NCALD: variants seen among roughly 807,000 people sequenced by gnomAD.
NCALD encodes the protein neurocalcin-delta.
NCALD carries 10 observed loss-of-function variants against 18.6 expected under a neutral mutation model. That is an observed-to-expected ratio of 0.54 (90% CI 0.33 to 0.91). The LOEUF (loss-of-function observed/expected upper bound fraction) is 0.91. NCALD is among the 40% of genes least tolerant of loss of function. The pLI is 0.03. For synonymous variants in NCALD, 88 were observed against 87.4 expected (o/e 1.01, Z -0.04); for missense variants, 184 against 247.6 (o/e 0.74, Z 1.72).
At position 101,924,158 on chromosome 8, in the gene NCALD, ACT is replaced by A. The variant is rs528003817; in HGVS notation, c.-156-8302_-156-8301del. Among the ~76,000 whole-genome samples the A allele has an allele frequency of 1.1e-4, 17 of 152,246 alleles. No individual in the cohort carries two copies. The East Asian group carries it at 2.9e-3, about 26-fold the overall frequency. On this transcript the variant is annotated intron_variant, in intron 2 of 6. Transcript: ENST00000311028. The stretch of plus-strand genomic sequence containing the variant: ...ATTCTTGCATCCTTGGAGATATGAA[ACT>A]CTGAGAACATTTAGATAAAAATGGC...
intron 2 of NCALD, among the ~76,000 whole-genome samples, chr8:101,957,288 G>GT (rs1563932101): frequency 1.1e-4 from 14 of 128,186 alleles, no homozygotes; most frequent in African/African-American, 4.4e-4. Context: ...GAAAAGTTGG[G>GT]GTTTTTTTTT....
intron 3 of NCALD, among the ~76,000 whole-genome samples, chr8:101,908,739 A>G (rs772183502): frequency 1.3e-5 from 2 of 152,198 alleles, no homozygotes; most frequent in Non-Finnish European, 2.9e-5. Context: ...TGGAGGAGAG[A>G]GACTTAGAAA....
chr8:101,715,863 G>A lies in NCALD; in HGVS notation c.378+3389C>T, dbSNP rs757819988. ...GGAAAAATAGGAATCCTTTTACACT[G>A]TTGGTGGGAACATAAATTAGTTTAA... On this transcript the variant is annotated intron_variant, in intron 2 of 3. Coordinates refer to ENST00000220931, the MANE Select transcript of NCALD (RefSeq NM_032041.3). Among the ~76,000 whole-genome samples the A allele has an allele frequency of 2.6e-5, 4 of 152,342 alleles. No individual in the cohort carries two copies. The South Asian group carries it at 6.2e-4, about 24-fold the overall frequency.
intron 2 of NCALD, among the ~76,000 whole-genome samples, chr8:101,710,033 A>T (rs1815710985): frequency 6.6e-6 from 1 of 152,238 alleles, no homozygotes; most frequent in Non-Finnish European, 1.5e-5. Flanking sequence ...AGCAAGACCA[A>T]CGCAGAAGAT....
At chr8:101,936,111 T>G (rs1818753965) in intron 2 of NCALD, among the ~76,000 whole-genome samples, 1 of 151,694 alleles carries the variant, frequency 6.6e-6, no homozygotes, top group Admixed American at 6.6e-5. Context: ...CAGCTGAGAG[T>G]GAGGAGGGGG....
At chr8:102,115,544 C>T (rs893450136) in intron 1 of NCALD, among the ~76,000 whole-genome samples, 1 of 152,184 alleles carries the variant, frequency 6.6e-6, no homozygotes, top group Non-Finnish European at 1.5e-5. Context: ...CTACAGTCAT[C>T]GAATTCTCCA....
At chr8:102,057,305 T>C (rs565376309) in intron 1 of NCALD, among the ~76,000 whole-genome samples, 46 of 149,512 alleles carry the variant, frequency 3.1e-4, no homozygotes, top group African/African-American at 1.0e-3. Flanking sequence ...TATAGATAGA[T>C]AGATATTTCT....
intron 4 of NCALD, among the ~76,000 whole-genome samples, chr8:101,877,575 C>T (rs1417266322): frequency 6.6e-6 from 1 of 152,156 alleles, no homozygotes; most frequent in African/African-American, 2.4e-5. Context: ...CAGTATTTTA[C>T]CAGTGGAATT....
intron 2 of NCALD, among the ~76,000 whole-genome samples, chr8:101,982,727 G>A (rs1731366143): frequency 6.6e-6 from 1 of 151,926 alleles, no homozygotes; most frequent in Non-Finnish European, 1.5e-5. Flanking sequence ...TGTAGTCCCA[G>A]CTACTTGGGA....
chr8:102,061,862 G>A (rs1183313415), intron 1 of NCALD, among the ~76,000 whole-genome samples: 1 of 152,120 alleles, frequency 6.6e-6, no homozygotes, highest in Non-Finnish European at 1.5e-5. Context: ...TCAAAACTTT[G>A]TATAAAGCAA....
chr8:101,774,202 T>G (rs1811699549), intron 1 of NCALD, among the ~76,000 whole-genome samples: 1 of 152,222 alleles, frequency 6.6e-6, no homozygotes, highest in Admixed American at 6.5e-5. Flanking sequence ...GAGAGCAACT[T>G]GGGAATATGA....
chr8:101,990,545 TC>T (rs1161854117), intron 2 of NCALD, among the ~76,000 whole-genome samples: 7 of 152,318 alleles, frequency 4.6e-5, no homozygotes, highest in Admixed American at 4.6e-4. Context: ...GGTGTGTCTT[TC>T]CCTTGCTGTT....
chr8:101,814,368 A>T (rs1813416766), intron 4 of NCALD, among the ~76,000 whole-genome samples: 2 of 152,152 alleles, frequency 1.3e-5, no homozygotes, highest in Admixed American at 1.3e-4. Flanking sequence ...TAATCGCATC[A>T]ACAGGCTAAA....
At chr8:101,880,020 G>A (rs998921063) in intron 4 of NCALD, among the ~76,000 whole-genome samples, 4 of 151,536 alleles carry the variant, frequency 2.6e-5, no homozygotes, top group Middle Eastern at 3.4e-3. Context: ...ACTGGGCGCC[G>A]TGGAGCAGAG....
intron 2 of NCALD, among the ~76,000 whole-genome samples, chr8:101,927,310 G>A (rs1478952527): frequency 6.6e-6 from 1 of 152,320 alleles, no homozygotes; most frequent in Middle Eastern, 3.4e-3. Flanking sequence ...CCCCGATCTG[G>A]TGGAGCGTAC....
At chr8:101,985,109 C>T (rs756875624) in intron 2 of NCALD, among the ~76,000 whole-genome samples, 2 of 152,198 alleles carry the variant, frequency 1.3e-5, no homozygotes, top group Non-Finnish European at 2.9e-5. Context: ...CATATTACAA[C>T]CCCTGATGTT....
At chr8:101,901,261 C>G (rs1249131721) in intron 3 of NCALD, among the ~76,000 whole-genome samples, 1 of 151,668 alleles carries the variant, frequency 6.6e-6, no homozygotes, top group Admixed American at 6.6e-5. Context: ...TTCCTATAAA[C>G]AGCATATAGT....
chr8:101,740,989 G>C (rs933942821), intron 1 of NCALD, among the ~76,000 whole-genome samples: 1 of 152,152 alleles, frequency 6.6e-6, no homozygotes, highest in Admixed American at 6.5e-5. Flanking sequence ...CAACTCTGTA[G>C]AATCAGTGTA....
At chr8:101,799,309 C>T (rs1003934641) in intron 4 of NCALD, among the ~76,000 whole-genome samples, 2 of 152,122 alleles carry the variant, frequency 1.3e-5, no homozygotes, top group Non-Finnish European at 2.9e-5. Context: ...TGCAGAGAAA[C>T]TTATTCATTC....
Sources: allele counts gnomAD v4.1 joint callset (sites outside exome capture counted in the v4.1 genomes callset), GRCh38; gene constraint gnomAD v4.1.1; transcripts MANE v1.5; gene names NCBI Gene and HGNC (gene_info 2026-07-23, HGNC 2026-07-21).